Variants in CLCN3 observed in about 807,000 individuals in gnomAD.
CLCN3 encodes the protein H(+)/Cl(-) exchange transporter 3.
Under a neutral mutation model 83.4 loss-of-function variants are expected in CLCN3, and 16 were observed. The ratio of observed to expected loss-of-function variants is 0.19; its 90% CI spans 0.13 to 0.29. CLCN3 has a LOEUF of 0.29. Among genes scored for constraint, CLCN3 ranks in the 10% least tolerant of loss-of-function variants. The pLI, the probability that CLCN3 is intolerant of heterozygous loss-of-function variation, is 1.00. For synonymous variants in CLCN3, 322 were observed against 346.2 expected (o/e 0.93, Z 0.78); for missense variants, 544 against 1,006.0 (o/e 0.54, Z 6.21).
intron 2 of CLCN3, among the ~76,000 whole-genome samples, chr4:169,641,761 C>G (rs1225272525): frequency 6.6e-6 from 1 of 152,158 alleles, no homozygotes; most frequent in Non-Finnish European, 1.5e-5. Flanking sequence ...GTACACAACA[C>G]AAATACAGGG....
intron 9 of CLCN3, among the ~76,000 whole-genome samples, chr4:169,701,729 TG>T (rs1732792312): frequency 6.6e-6 from 1 of 152,142 alleles, no homozygotes; most frequent in Admixed American, 6.5e-5. Context: ...AGAGTGGGAA[TG>T]AAAAGAAATT....
At chr4:169,712,043 T>G (rs932647177) in intron 11 of CLCN3, among the ~76,000 whole-genome samples, 3 of 138,398 alleles carry the variant, frequency 2.2e-5, no homozygotes, top group Non-Finnish European at 3.3e-5. Context: ...TTTTTTTTTT[T>G]GTAGAAGCAA....
At chr4:169,672,549 T>G (rs1460051070) in intron 2 of CLCN3, among the ~76,000 whole-genome samples, 2 of 152,324 alleles carry the variant, frequency 1.3e-5, no homozygotes, top group East Asian at 3.9e-4. Flanking sequence ...ATGCGTAAGA[T>G]GAAATCGAGA....
chr4:169,687,783 T>G (rs757589484), intron 4 of CLCN3, 26 bp downstream of exon 4: 1 of 1,314,170 alleles, frequency 7.6e-7, no homozygotes. Flanking sequence ...CAAGCAATCC[T>G]TTTTTAGTTA....
In CLCN3 at chr4:169,719,192, G is replaced by T. The variant is rs185538384; in HGVS notation, c.2367-715G>T. Reference sequence around the variant, plus strand: ...GTTAAAAAAGGGAAAGTGGCTGGGTGCAGTGGCTCACGCCTGTAATCCCCA... The same window carrying T: ...GTTAAAAAAGGGAAAGTGGCTGGGTTCAGTGGCTCACGCCTGTAATCCCCA... On this transcript the variant is annotated intron_variant, in intron 12 of 12. Coordinates refer to ENST00000513761, the MANE Select transcript of CLCN3 (RefSeq NM_001829.4). Among the ~76,000 whole-genome samples the T allele has an allele frequency of 3.6e-3, 544 of 152,354 alleles. 3 individuals are homozygous for T. The highest frequency in any genetic ancestry group is 0.022 in the South Asian group (106 of 4,830).
At chr4:169,674,424 C>T (rs1234825102) in intron 2 of CLCN3, among the ~76,000 whole-genome samples, 1 of 152,140 alleles carries the variant, frequency 6.6e-6, no homozygotes, top group Non-Finnish European at 1.5e-5. Flanking sequence ...TCACATATGT[C>T]AAGATATTAT....
chr4:169,642,839 A>G (rs1581198888), intron 2 of CLCN3: 1 of 152,182 alleles, frequency 6.6e-6, no homozygotes, highest in Non-Finnish European at 1.5e-5. Flanking sequence ...GGCTTTTATT[A>G]TTAACATTCT....
chr4:169,678,421 A>T (rs1468036973), intron 2 of CLCN3, among the ~76,000 whole-genome samples: 16 of 151,780 alleles, frequency 1.1e-4, no homozygotes, highest in East Asian at 3.9e-4. Context: ...TCTTTTTTTT[A>T]AATTTTTTTA....
chr4:169,682,105 G>C (rs1289960554), intron 3 of CLCN3, among the ~76,000 whole-genome samples: 1 of 152,080 alleles, frequency 6.6e-6, no homozygotes, highest in Non-Finnish European at 1.5e-5. Flanking sequence ...TTTGTCTTCT[G>C]TTACATTAAA....
chr4:169,689,859 A>G (rs989707477), intron 5 of CLCN3, among the ~76,000 whole-genome samples: 3 of 152,192 alleles, frequency 2.0e-5, no homozygotes, highest in African/African-American at 7.2e-5. Flanking sequence ...GAGTTTAATG[A>G]TCTGGAAAGT....
At chr4:169,664,874 A>G (rs910058559) in intron 2 of CLCN3, among the ~76,000 whole-genome samples, 3 of 152,140 alleles carry the variant, frequency 2.0e-5, no homozygotes, top group Non-Finnish European at 4.4e-5. Context: ...AATTTTGGCT[A>G]TTTTCCCAGC....
At chr4:169,667,078 A>C (rs1299306777) in intron 2 of CLCN3, among the ~76,000 whole-genome samples, 1 of 152,100 alleles carries the variant, frequency 6.6e-6, no homozygotes, top group Non-Finnish European at 1.5e-5. Flanking sequence ...ATATCTAAAA[A>C]ACCTGCCTAA....
At chr4:169,685,232 A>G (rs1475012214) in intron 3 of CLCN3, among the ~76,000 whole-genome samples, 1 of 152,100 alleles carries the variant, frequency 6.6e-6, no homozygotes, top group East Asian at 1.9e-4. Flanking sequence ...TGATTCATTT[A>G]ACTTTACTTC....
At chr4:169,665,922 T>C (rs1363212413) in intron 2 of CLCN3, among the ~76,000 whole-genome samples, 1 of 151,966 alleles carries the variant, frequency 6.6e-6, no homozygotes, top group African/African-American at 2.4e-5. Flanking sequence ...CTCCTGCCAG[T>C]GTCACTGTGA....
intron 1 of CLCN3, among the ~76,000 whole-genome samples, chr4:169,627,983 G>A (rs1011753655): frequency 2.0e-5 from 3 of 152,170 alleles, no homozygotes; most frequent in Non-Finnish European, 2.9e-5. Flanking sequence ...AGAGAACTCT[G>A]AAATAGATCC....
At chr4:169,653,514 G>A (rs141816492) in intron 2 of CLCN3, among the ~76,000 whole-genome samples, 5,194 of 151,680 alleles carry the variant, frequency 0.034, 321 homozygotes, top group African/African-American at 0.12. Context: ...GGTGGTGGGC[G>A]CCTGTAATCC....
At chr4:169,638,680 C>T (rs770996795) in intron 2 of CLCN3, among the ~76,000 whole-genome samples, 70 of 152,266 alleles carry the variant, frequency 4.6e-4, no homozygotes, top group Non-Finnish European at 2.1e-4. Context: ...CACCTTCCCA[C>T]GTTGCCGTCA....
At chr4:169,662,349 G>A (rs2150220883) in intron 2 of CLCN3, among the ~76,000 whole-genome samples, 1 of 152,264 alleles carries the variant, frequency 6.6e-6, no homozygotes, top group Admixed American at 6.5e-5. Flanking sequence ...AGATAAGTCA[G>A]TTATTAGGCT....
At chr4:169,672,821 G>A (rs548718110) in intron 2 of CLCN3, among the ~76,000 whole-genome samples, 17 of 152,074 alleles carry the variant, frequency 1.1e-4, no homozygotes, top group African/African-American at 3.6e-4. Context: ...CTGCCACCGC[G>A]CCCAGCTAAT....
Sources: gnomAD v4.1 joint callset for allele counts (sites outside exome capture counted in the v4.1 genomes callset) on GRCh38, gnomAD v4.1.1 for gene constraint, MANE v1.5 for transcripts, NCBI Gene and HGNC (gene_info 2026-07-23, HGNC 2026-07-21) for gene names.